The following PIWIL4 variants were observed in gnomAD, a reference collection of about 807,000 sequenced individuals.
PIWIL4 encodes the protein piwi like RNA-mediated gene silencing 4.
In PIWIL4, 50 loss-of-function variants were observed where a neutral mutation model predicts 100.9. That is an observed-to-expected ratio of 0.50 (90% CI 0.39 to 0.63). The LOEUF (loss-of-function observed/expected upper bound fraction) is 0.63, where lower values mean the gene tolerates loss of function less well. Among genes scored for constraint, PIWIL4 ranks in the 20% least tolerant of loss-of-function variants. The pLI, the probability that PIWIL4 is intolerant of heterozygous loss-of-function variation, is 0.00. For missense variants in PIWIL4, 887 were observed against 1,043.3 expected, an observed-to-expected ratio of 0.85 and a Z score of 2.06; for synonymous variants, 342 against 367.5, an observed-to-expected ratio of 0.93 and a Z score of 0.79.
chr11:94,608,952 C>A (rs895014128), intron 15 of PIWIL4, among the ~76,000 whole-genome samples: 14 of 152,138 alleles, frequency 9.2e-5, no homozygotes, highest in Non-Finnish European at 1.3e-4. Context: ...AATTCTTGTG[C>A]ATTTATTTAT....
chr11:94,600,914 G>A (rs1274253101), intron 11 of PIWIL4, among the ~76,000 whole-genome samples: 4 of 151,924 alleles, frequency 2.6e-5, no homozygotes, highest in Non-Finnish European at 5.9e-5. Flanking sequence ...CGGCTCACCG[G>A]TGGTCAGAGT....
intron 13 of PIWIL4, among the ~76,000 whole-genome samples, chr11:94,604,949 A>C (rs1427163136): frequency 6.6e-6 from 1 of 152,230 alleles, no homozygotes; most frequent in Admixed American, 6.5e-5. Flanking sequence ...AATCAAACTT[A>C]TAGAAAAGTG....
At chr11:94,583,658 G>A (rs973190099) in intron 5 of PIWIL4, 89 bp downstream of exon 5, 9 of 1,547,422 alleles carry the variant, frequency 5.8e-6, no homozygotes, top group Admixed American at 1.7e-5. Context: ...CATTTTGTAG[G>A]CAGTGTGCCA....
chr11:94,579,160 A>G (rs761871270), intron 4 of PIWIL4, among the ~76,000 whole-genome samples: 11 of 152,228 alleles, frequency 7.2e-5, no homozygotes, highest in Non-Finnish European at 1.3e-4. Flanking sequence ...TTGTGCCTGT[A>G]TGTCCAAATA....
intron 15 of PIWIL4, among the ~76,000 whole-genome samples, chr11:94,615,933 T>C (rs1264654336): frequency 1.3e-5 from 2 of 152,250 alleles, no homozygotes; most frequent in African/African-American, 4.8e-5. Flanking sequence ...GTTTCTGAAA[T>C]CTACACAATA....
At chr11:94,586,977 C>T (rs1369239470) in intron 6 of PIWIL4, 73 bp from the exon 7 acceptor site, 1 of 1,273,348 alleles carries the variant, frequency 7.9e-7, no homozygotes. Flanking sequence ...CAGAAAATCA[C>T]CATTTAAAAA....
chr11:94,618,164 C>A, intron 17 of PIWIL4, 57 bp downstream of exon 17: 1 of 1,460,718 alleles, frequency 6.8e-7, no homozygotes, highest in Non-Finnish European at 9.2e-7. Flanking sequence ...TCAGCTGTAG[C>A]TATTACACAC....
intron 4 of PIWIL4, among the ~76,000 whole-genome samples, chr11:94,579,736 G>T (rs116033866): frequency 0.014 from 2,125 of 152,246 alleles, 41 homozygotes; most frequent in African/African-American, 0.049. Flanking sequence ...AGAAAATCTA[G>T]ATTTGTAAAT....
Position 94,577,401 on chromosome 11 carries a change from T to C in PIWIL4, c.422T>C (p.Ile141Thr). The change falls in exon 4 of 20, where the codon ATT becomes ACT. Residue 141 changes from isoleucine (I) to threonine (T), a missense_variant. Physicochemically the swap from Ile to Thr is moderately conservative, Grantham distance 89. Transcript: ENST00000299001. ...IPDLASRRLR[I>T]ALLYSHSELS... is the part of the protein sequence containing the mutation. Reference sequence around the variant, plus strand: ...GATTTAGCATCTAGAAGGCTGAGAATTGCTTTACTTTATAGTCATAGTGAA... The same window carrying C: ...GATTTAGCATCTAGAAGGCTGAGAACTGCTTTACTTTATAGTCATAGTGAA... 2 of 1,614,178 alleles carry C rather than the reference T, an allele frequency of 1.2e-6. No individual in the cohort carries two copies. The highest frequency in any genetic ancestry group is 1.7e-6 in the Non-Finnish European group (2 of 1,180,002).
intron 15 of PIWIL4, 52 bp downstream of exon 15, chr11:94,608,738 G>T (rs778274439): frequency 1.4e-6 from 2 of 1,463,564 alleles, no homozygotes; most frequent in South Asian, 2.3e-5. Context: ...ACTATTAATT[G>T]TGGTTTCACT....
At chr11:94,582,971 C>T (rs1296142752) in intron 4 of PIWIL4, among the ~76,000 whole-genome samples, 1 of 151,658 alleles carries the variant, frequency 6.6e-6, no homozygotes, top group African/African-American at 2.4e-5. Context: ...CACTAGTGGG[C>T]TTCTGAGTAT....
rs1387706515 is a variant in PIWIL4, at chr11:94,567,544, C to T, written c.26C>T (p.Ala9Val). 1.2e-6 allele frequency: 2 copies of T among 1,604,174 alleles called. No homozygotes were observed. The highest frequency in any genetic ancestry group is 1.7e-6 in the Non-Finnish European group (2 of 1,175,806). Residue 9 changes from alanine to valine, a missense_variant, in exon 1 of 20, where the codon GCC (alanine) becomes GTC (valine). This residue lies in a region of PIWIL4 where 146 missense variants were observed against 113.4 expected (regional missense o/e 1.29). Coordinates refer to ENST00000299001, the MANE Select transcript of PIWIL4 (RefSeq NM_152431.3). Reference protein sequence around the residue: MSGRARVKARGIARSPSAT... With the variant: MSGRARVKVRGIARSPSAT... ...ATGAGTGGAAGAGCCCGAGTGAAGG[C>T]CAGAGGCATCGCCCGCAGCCCCAGT...
intron 17 of PIWIL4, among the ~76,000 whole-genome samples, chr11:94,618,902 G>T (rs2135308451): frequency 6.6e-6 from 1 of 152,252 alleles, no homozygotes; most frequent in Non-Finnish European, 1.5e-5. Flanking sequence ...CTGAAAGTTT[G>T]GTGGCAGTAT....
intron 8 of PIWIL4, among the ~76,000 whole-genome samples, chr11:94,593,070 A>T (rs692863): frequency 0.12 from 18,941 of 152,220 alleles, 1,261 homozygotes; most frequent in South Asian, 0.18. Flanking sequence ...GTTTTGGGAA[A>T]TCTGAGATTG....
intron 2 of PIWIL4, among the ~76,000 whole-genome samples, chr11:94,572,471 C>T (rs7106117): frequency 0.51 from 77,593 of 152,004 alleles, 21,883 homozygotes; most frequent in African/African-American, 0.77. Context: ...TTGTGTGAGG[C>T]GTAGGGAAGG....
chr11:94,614,721 C>T (rs528316389), intron 15 of PIWIL4, among the ~76,000 whole-genome samples: 15 of 152,280 alleles, frequency 9.9e-5, no homozygotes, highest in Admixed American at 7.8e-4. Flanking sequence ...AAACCTTTAA[C>T]AGTCAGCCCA....
Position 94,616,483 on chromosome 11 carries a change from T to TC in PIWIL4, c.1944-10_1944-9insC. Reference sequence around the variant, plus strand: ...TTGAATTTTACTTTTATTTTTTTTTTTAACTTTAGGTGGTTTTCCCGCTGT... The same window carrying TC: ...TTGAATTTTACTTTTATTTTTTTTTTCTAACTTTAGGTGGTTTTCCCGCTGT... On this transcript the variant is annotated splice_polypyrimidine_tract_variant and intron_variant, in intron 15 of 19. Transcript: ENST00000299001. 6.3e-7 allele frequency: 1 copy of TC among 1,584,590 alleles called. No homozygotes were observed.
chr11:94,571,678 T>C (rs1948157236), intron 2 of PIWIL4, among the ~76,000 whole-genome samples: 1 of 152,224 alleles, frequency 6.6e-6, no homozygotes. Context: ...CTTAATCCAG[T>C]CTATCATTGT....
chr11:94,610,166 C>A (rs1389227594), intron 15 of PIWIL4, among the ~76,000 whole-genome samples: 1 of 151,684 alleles, frequency 6.6e-6, no homozygotes, highest in Non-Finnish European at 1.5e-5. Flanking sequence ...ATATAATGTC[C>A]GTGGGTTCAT....
Sources: gnomAD v4.1 joint callset for allele counts (sites outside exome capture counted in the v4.1 genomes callset) on GRCh38, gnomAD v4.1.1 for gene constraint, gnomAD v4.1.1 regional missense constraint, MANE v1.5 for transcripts, NCBI Gene and HGNC (gene_info 2026-07-23, HGNC 2026-07-21) for gene names.